Variants in RASA2 observed in about 807,000 individuals in gnomAD.
RASA2 encodes RAS p21 protein activator 2, also known as ras GTPase-activating protein 2.
In RASA2, 155 loss-of-function variants were observed where a neutral mutation model predicts 118.2. The observed-to-expected ratio is 1.31, with a 90% CI of 1.15 to 1.50. RASA2 has a LOEUF of 1.50. Among genes scored for constraint, RASA2 ranks in the 40% most tolerant of loss-of-function variants. The probability of loss-of-function intolerance (pLI) is 0.00; values close to 1 mark genes in which losing one functional copy is unlikely to be tolerated. For missense variants in RASA2, 1,016 were observed against 1,009.6 expected (o/e 1.01, Z -0.09); for synonymous variants, 353 against 349.1 (o/e 1.01, Z -0.12).
intron 5 of RASA2, among the ~76,000 whole-genome samples, chr3:141,543,990 C>T (rs966283696): frequency 5.3e-5 from 8 of 150,984 alleles, no homozygotes; most frequent in Non-Finnish European, 1.2e-4. Flanking sequence ...ATTTTCATGC[C>T]TCAGCCTCCT....
intron 2 of RASA2, 106 bp downstream of exon 2, chr3:141,512,386 T>TG: frequency 1.3e-6 from 1 of 750,440 alleles, no homozygotes; most frequent in Non-Finnish European, 2.1e-6. Flanking sequence ...AAACAGTGCT[T>TG]GCTTTCATGT....
chr3:141,488,880 G>T (rs992750220), intron 1 of RASA2, among the ~76,000 whole-genome samples: 1 of 152,106 alleles, frequency 6.6e-6, no homozygotes, highest in Non-Finnish European at 1.5e-5. Context: ...TCACTGGTAC[G>T]TAACTGCAGG....
At chr3:141,517,778 C>T (rs550562316) in intron 3 of RASA2, among the ~76,000 whole-genome samples, 64 of 152,226 alleles carry the variant, frequency 4.2e-4, no homozygotes, top group African/African-American at 1.4e-3. Context: ...CACAGCCTCC[C>T]GAATAGCTGG....
chr3:141,496,480 C>A (rs2081704278), intron 1 of RASA2, among the ~76,000 whole-genome samples: 1 of 152,140 alleles, frequency 6.6e-6, no homozygotes, highest in South Asian at 2.1e-4. Context: ...AAGAAAAAAA[C>A]AACCCCATGA....
intron 23 of RASA2, 144 bp downstream of exon 23, chr3:141,610,210 C>T (rs2083616480): frequency 1.8e-6 from 1 of 549,850 alleles, no homozygotes; most frequent in Admixed American, 4.2e-5. Context: ...TCCCTGGCCA[C>T]TCCAAGTGCT....
chr3:141,578,560 A>G (rs181877249), intron 15 of RASA2: 1 of 152,362 alleles, frequency 6.6e-6, no homozygotes, highest in East Asian at 1.9e-4. Flanking sequence ...ACCATGTTGC[A>G]GTGGCAGCAC....
chr3:141,567,104 G>C (rs1245602027), intron 9 of RASA2, among the ~76,000 whole-genome samples: 2 of 152,056 alleles, frequency 1.3e-5, no homozygotes, highest in Non-Finnish European at 2.9e-5. Context: ...TATAAAACTT[G>C]AAAACTATGA....
At chr3:141,607,787 G>T in intron 20 of RASA2, 27 bp downstream of exon 20, 1 of 1,555,108 alleles carries the variant, frequency 6.4e-7, no homozygotes, top group Non-Finnish European at 8.7e-7. Flanking sequence ...AATATTTAAA[G>T]CTTTCTGAAC....
At chr3:141,532,578 T>C (rs1218334518) in intron 4 of RASA2, among the ~76,000 whole-genome samples, 1 of 152,186 alleles carries the variant, frequency 6.6e-6, no homozygotes, top group South Asian at 2.1e-4. Flanking sequence ...AAAATGAGTA[T>C]ACAAAATGAA....
intron 9 of RASA2, among the ~76,000 whole-genome samples, chr3:141,562,554 G>C (rs13085709): frequency 1 from 150,836 of 150,866 alleles, 75,403 homozygotes; most frequent in Middle Eastern, 1. Flanking sequence ...ACCTGGGAGC[G>C]GGAGCTTACA....
Position 141,612,619 on chromosome 3 carries a change from C to T in RASA2, c.*306C>T. The T allele has an allele frequency of 7.6e-6, 2 of 263,098 alleles. No individual in the cohort carries two copies. Among genetic ancestry groups the T allele is most frequent in the Non-Finnish European group, 1.4e-5 (2 of 138,436 alleles). The allele number at this position is 263,098 out of a possible 1,614,324, so 16.3% of individuals were successfully genotyped here. A position where few individuals can be genotyped will look rare whatever the true frequency, so the allele number is the denominator to read the frequency against. The stretch of plus-strand genomic sequence containing the variant: ...CTTTGTAACAAAGGGAGAACTCCTC[C>T]GTAGCAAGAAACCATCTCTTCTTGT... On this transcript the variant is annotated 3_prime_UTR_variant, in exon 24 of 24. Coordinates refer to ENST00000286364, the MANE Select transcript of RASA2 (RefSeq NM_006506.5).
chr3:141,608,342 G>T (rs1247091200), intron 20 of RASA2, 147 bp from the exon 21 acceptor site: 6 of 752,140 alleles, frequency 8.0e-6, no homozygotes, highest in Non-Finnish European at 1.3e-5. Context: ...GGACTAACTT[G>T]CTTGAAACAT....
intron 1 of RASA2, among the ~76,000 whole-genome samples, chr3:141,500,836 GT>G (rs1407486161): frequency 6.6e-6 from 1 of 152,120 alleles, no homozygotes; most frequent in Non-Finnish European, 1.5e-5. Context: ...TAAATTTCAA[GT>G]GTTGTCTCTC....
intron 5 of RASA2, among the ~76,000 whole-genome samples, chr3:141,543,876 C>CTTTTTTTTTTTTT (rs529631210): frequency 1.4e-3 from 161 of 117,288 alleles, no homozygotes; most frequent in Non-Finnish European, 1.9e-3. Context: ...TTTCTTTTTT[C>CTTTTTTTTTTTTT]TTTTTTTTTT....
At chr3:141,548,956 A>G (rs938179565) in intron 5 of RASA2, among the ~76,000 whole-genome samples, 2 of 152,208 alleles carry the variant, frequency 1.3e-5, no homozygotes, top group Non-Finnish European at 2.9e-5. Flanking sequence ...CTGCACATGA[A>G]TATAGCTGGA....
chr3:141,519,909 C>G (rs1470101722), intron 3 of RASA2, among the ~76,000 whole-genome samples: 1 of 151,188 alleles, frequency 6.6e-6, no homozygotes. Flanking sequence ...GAACAGAATA[C>G]TTAGAATAGT....
intron 19 of RASA2, among the ~76,000 whole-genome samples, chr3:141,593,841 A>C (rs2083322356): frequency 6.6e-6 from 1 of 152,226 alleles, no homozygotes; most frequent in Non-Finnish European, 1.5e-5. Flanking sequence ...TGTAACTTCA[A>C]GGGAAGGTAA....
intron 4 of RASA2, among the ~76,000 whole-genome samples, chr3:141,535,819 A>T (rs1324526973): frequency 6.6e-6 from 1 of 152,122 alleles, no homozygotes; most frequent in Admixed American, 6.5e-5. Context: ...TTCATGAGGG[A>T]TCTACCCCCA....
Position 141,523,131 on chromosome 3 carries a change from C to A in RASA2, c.356-6577C>A, listed in dbSNP as rs1252956822. Among the ~76,000 whole-genome samples, 12 of 151,148 alleles carry A rather than the reference C, an allele frequency of 7.9e-5. No homozygotes were observed. In the East Asian group the frequency reaches 2.3e-3, roughly 29 times the overall value. On this transcript the variant is annotated intron_variant, in intron 3 of 23. Coordinates refer to ENST00000286364, the MANE Select transcript of RASA2 (RefSeq NM_006506.5). ...TTTTAAATTATGGCATAGATAATCC[C>A]ATTTTTTTTTTTTTTGAGACGAAGA...
Sources: allele counts gnomAD v4.1 joint callset (sites outside exome capture counted in the v4.1 genomes callset), GRCh38; gene constraint gnomAD v4.1.1; transcripts MANE v1.5; gene names NCBI Gene and HGNC (gene_info 2026-07-23, HGNC 2026-07-21).